The following PTPRS variants were observed in gnomAD, a reference collection of about 807,000 sequenced individuals.
The protein encoded by PTPRS is protein tyrosine phosphatase receptor type S, also known as receptor-type tyrosine-protein phosphatase S.
A neutral mutation model predicts 215.3 loss-of-function variants in PTPRS; 63 were observed. The observed-to-expected ratio is 0.29, with a 90% CI of 0.24 to 0.36. The LOEUF (loss-of-function observed/expected upper bound fraction) is 0.36, where lower values mean the gene tolerates loss of function less well. Among genes scored for constraint, PTPRS ranks in the 10% least tolerant of loss-of-function variants. The probability of loss-of-function intolerance (pLI) is 1.00; values close to 1 mark genes in which losing one functional copy is unlikely to be tolerated. For missense variants in PTPRS, 2,258 were observed against 2,825.8 expected (o/e 0.80, Z 4.56); for synonymous variants, 1,404 against 1,191.4 (o/e 1.18, Z -3.68).
chr19:5,261,903 G>T (rs935182011), intron 6 of PTPRS, among the ~76,000 whole-genome samples: 1 of 152,230 alleles, frequency 6.6e-6, no homozygotes, highest in Non-Finnish European at 1.5e-5. Context: ...TGGAGAACTG[G>T]AATCCGAGTC....
intron 1 of PTPRS, among the ~76,000 whole-genome samples, chr19:5,334,380 G>A (rs147265413): frequency 9.9e-5 from 15 of 152,198 alleles, no homozygotes; most frequent in African/African-American, 2.9e-4. Context: ...TCTAGGTGCC[G>A]TTCTGAATCT....
chr19:5,225,537 G>A (rs1276323341), intron 17 of PTPRS, among the ~76,000 whole-genome samples, 190 bp downstream of exon 17: 1 of 147,500 alleles, frequency 6.8e-6, no homozygotes, highest in African/African-American at 2.5e-5. Context: ...AAAGGAGGAG[G>A]CAGGGGCGGG....
intron 28 of PTPRS, 142 bp downstream of exon 28, chr19:5,215,147 A>G: frequency 9.2e-7 from 1 of 1,086,558 alleles, no homozygotes; most frequent in South Asian, 1.5e-5. Context: ...ATACATATCT[A>G]AAGATGCCCA....
At position 5,220,915 on chromosome 19, in the gene PTPRS, GCA is replaced by G. The variant is rs2041923241; in HGVS notation, c.3455+83_3455+84del. ...GTGTTTCATAGGCAAGGAAATTGAG[GCA>G]CAGAGAGGGCACGTGGCTTGCCCCA... On this transcript the variant is annotated intron_variant, in intron 20 of 37. Transcript: ENST00000262963. The G allele has an allele frequency of 3.4e-6, 5 of 1,462,638 alleles. No homozygotes were observed. The South Asian group carries it at 6.6e-5, about 19-fold the overall frequency. 90.6% of individuals were successfully genotyped at this position (1,462,638 alleles called of 1,614,324 possible). A position where few individuals can be genotyped will look rare whatever the true frequency, so the allele number is the denominator to read the frequency against.
chr19:5,330,224 A>T (rs1269939540), intron 1 of PTPRS, among the ~76,000 whole-genome samples: 1 of 152,170 alleles, frequency 6.6e-6, no homozygotes, highest in Admixed American at 6.5e-5. Context: ...AGGAGTGTAG[A>T]AACGACATCC....
chr19:5,258,875 C>T (rs1242307817), intron 7 of PTPRS, among the ~76,000 whole-genome samples: 1 of 152,140 alleles, frequency 6.6e-6, no homozygotes, highest in Admixed American at 6.5e-5. Flanking sequence ...TATTTTAAGT[C>T]ATCTAAATAA....
intron 24 of PTPRS, 68 bp downstream of exon 24, chr19:5,218,719 C>A (rs2041709634): frequency 1.9e-6 from 3 of 1,580,032 alleles, no homozygotes; most frequent in African/African-American, 1.3e-5. Context: ...CCTGTGGGCA[C>A]ACTATCAGCC....
At chr19:5,319,407 C>T (rs2049965046) in intron 1 of PTPRS, among the ~76,000 whole-genome samples, 1 of 147,224 alleles carries the variant, frequency 6.8e-6, no homozygotes, top group Non-Finnish European at 1.5e-5. Flanking sequence ...CAGAGCCAGA[C>T]CTTGTCTTTT....
chr19:5,299,137 C>A (rs1266581265), intron 1 of PTPRS, among the ~76,000 whole-genome samples: 4 of 152,206 alleles, frequency 2.6e-5, no homozygotes, highest in African/African-American at 9.6e-5. Context: ...TGCCGGTGTG[C>A]ACCTGAGTCA....
In PTPRS at chr19:5,322,467, A is replaced by C. The variant is rs541996097; in HGVS notation, c.-95+18197T>G. Among the ~76,000 whole-genome samples, 12 of 152,264 alleles carry C rather than the reference A, an allele frequency of 7.9e-5. No homozygotes were observed. The East Asian group carries it at 2.1e-3, about 27-fold the overall frequency. On this transcript the variant is annotated intron_variant, in intron 1 of 37. Coordinates refer to ENST00000262963, the MANE Select transcript of PTPRS (RefSeq NM_002850.4). ...GTGAGAATGCGGGGGTGGGAGGAAG[A>C]AGCAGCCGCGGGGACCGACTCGAGC...
At position 5,324,869 on chromosome 19, in the gene PTPRS, C is replaced by T. The variant is rs543231522; in HGVS notation, c.-95+15795G>A. Among the ~76,000 whole-genome samples, 7 of 152,246 alleles carry T rather than the reference C, an allele frequency of 4.6e-5. No individual in the cohort carries two copies. In the South Asian group the frequency reaches 1.2e-3, roughly 27 times the overall value. ...CATCCTCACACTGTTTGCAAAACTT[C>T]GAGTCTGGGGTCTCTGGAGCACAGG... On this transcript the variant is annotated intron_variant, in intron 1 of 37. Coordinates refer to ENST00000262963, the MANE Select transcript of PTPRS (RefSeq NM_002850.4).
intron 30 of PTPRS, among the ~76,000 whole-genome samples, 163 bp downstream of exon 30, chr19:5,214,195 TCCC>T (rs111532020): frequency 1.3e-5 from 2 of 152,164 alleles, no homozygotes; most frequent in African/African-American, 4.8e-5. Context: ...AGCCTCAGTT[TCCC>T]CCTCCACGGA....
chr19:5,334,342 A>G (rs1295000727), intron 1 of PTPRS, among the ~76,000 whole-genome samples: 1 of 152,242 alleles, frequency 6.6e-6, no homozygotes, highest in African/African-American at 2.4e-5. Flanking sequence ...AAATAATAAC[A>G]AAAACAGAAT....
chr19:5,307,562 C>G (rs991674333), intron 1 of PTPRS, among the ~76,000 whole-genome samples: 2 of 152,066 alleles, frequency 1.3e-5, no homozygotes, highest in South Asian at 4.2e-4. Flanking sequence ...AAGATGCTGC[C>G]ATTTGGTTAA....
In PTPRS at chr19:5,257,769, G is replaced by T. The variant is rs913702556; in HGVS notation, c.706+248C>A. Among the ~76,000 whole-genome samples the T allele has an allele frequency of 5.9e-5, 9 of 152,220 alleles. No individual in the cohort carries two copies. Among genetic ancestry groups the T allele is most frequent in the African/African-American group, 1.9e-4 (8 of 41,452 alleles). ...ACCCCACCATCACTGCCTCCCCAGA[G>T]CCTGCTGCCCACGGGGCATCTCTCG... On this transcript the variant is annotated intron_variant, in intron 8 of 37. Transcript: ENST00000262963. This position sits in a 1 kb window ranked among gnomAD's most constrained non-coding sequence, Gnocchi z 4.4.
chr19:5,280,571 A>C (rs1332789769), intron 2 of PTPRS, among the ~76,000 whole-genome samples: 2 of 150,966 alleles, frequency 1.3e-5, no homozygotes, highest in Non-Finnish European at 3.0e-5. Context: ...AAATACAAAA[A>C]TCAGCCAGGC....
chr19:5,255,991 C>A (rs1052805762), intron 9 of PTPRS, 117 bp downstream of exon 9: 6 of 686,090 alleles, frequency 8.7e-6, no homozygotes, highest in African/African-American at 1.9e-5. Flanking sequence ...ATTTTTTTTC[C>A]GTGTGTGTGT....
Position 5,210,087 on chromosome 19 carries a change from G to A in PTPRS, c.5487+382C>T, listed in dbSNP as rs1312643300. ...CCATACTCATCTCTCCTCACCCAAC[G>A]GTGCCAGTCCCCACCATCTGACTCT... On this transcript the variant is annotated intron_variant, in intron 35 of 37. Coordinates refer to ENST00000262963, the MANE Select transcript of PTPRS (RefSeq NM_002850.4). The surrounding 1 kb of genome is among the most constrained non-coding windows in gnomAD (Gnocchi z 4.5). Among the ~76,000 whole-genome samples, 3 of 151,976 alleles carry A rather than the reference G, an allele frequency of 2.0e-5. No homozygotes were observed. The highest frequency in any genetic ancestry group is 2.4e-5 in the African/African-American group (1 of 41,364).
Position 5,206,565 on chromosome 19 carries a change from G to C in PTPRS, c.*209C>G. On this transcript the variant is annotated 3_prime_UTR_variant, in exon 38 of 38. Coordinates refer to ENST00000262963, the MANE Select transcript of PTPRS (RefSeq NM_002850.4). ...GGAATGTGCCAAGTATTTGAAGGCG[G>C]CGGCCGGTGCCAGGGAGGTCGCTGG... 2.0e-6 allele frequency: 1 copy of C among 510,686 alleles called. No individual in the cohort carries two copies. The highest frequency in any genetic ancestry group is 3.5e-6 in the Non-Finnish European group (1 of 285,674). 31.6% of individuals were successfully genotyped at this position (510,686 alleles called of 1,614,324 possible).
Sources: gnomAD v4.1 joint callset for allele counts (sites outside exome capture counted in the v4.1 genomes callset) on GRCh38, gnomAD v4.1.1 for gene constraint, Gnocchi (gnomAD v3.1) non-coding constraint, MANE v1.5 for transcripts, NCBI Gene and HGNC (gene_info 2026-07-23, HGNC 2026-07-21) for gene names.